Variants in TTC39C observed in about 807,000 individuals in gnomAD.
The protein encoded by TTC39C is tetratricopeptide repeat domain 39C.
TTC39C carries 33 observed loss-of-function variants against 76.3 expected under a neutral mutation model. The ratio of observed to expected loss-of-function variants is 0.43; its 90% CI spans 0.33 to 0.58. TTC39C has a LOEUF of 0.58. Ranked by LOEUF, TTC39C falls within the 20% of genes least tolerant of loss-of-function variation. The probability of loss-of-function intolerance (pLI) is 0.04; values close to 1 mark genes in which losing one functional copy is unlikely to be tolerated. For missense variants in TTC39C, 595 were observed against 701.4 expected (o/e 0.85, Z 1.71); for synonymous variants, 254 against 260.6 (o/e 0.97, Z 0.24).
At chr18:24,069,743 T>G (rs989905398) in intron 4 of TTC39C, among the ~76,000 whole-genome samples, 2 of 152,202 alleles carry the variant, frequency 1.3e-5, no homozygotes, top group Admixed American at 6.5e-5. Context: ...TTAACAAACT[T>G]TAGTGAGGGA....
intron 1 of TTC39C, among the ~76,000 whole-genome samples, chr18:23,998,508 G>T (rs1233434180): frequency 2.0e-5 from 3 of 152,124 alleles, no homozygotes. Context: ...TACTTGGGAG[G>T]TTGAGATAGG....
intron 2 of TTC39C, among the ~76,000 whole-genome samples, chr18:24,065,285 G>A (rs1183426152): frequency 6.6e-6 from 1 of 152,230 alleles, no homozygotes; most frequent in African/African-American, 2.4e-5. Context: ...TGAGGAGTTA[G>A]AGACAGTAGG....
At chr18:24,076,053 T>C (rs2084303769) in intron 4 of TTC39C, among the ~76,000 whole-genome samples, 1 of 152,192 alleles carries the variant, frequency 6.6e-6, no homozygotes, top group Admixed American at 6.5e-5. Flanking sequence ...CTTGGGTCAC[T>C]ACAACCTCCA....
Position 24,062,320 on chromosome 18 carries a change from A to C in TTC39C, c.168-1820A>C, listed in dbSNP as rs374756708. On this transcript the variant is annotated intron_variant, in intron 1 of 13. Coordinates refer to ENST00000317571, the MANE Select transcript of TTC39C (RefSeq NM_001135993.2). Reference sequence around the variant, plus strand: ...GGGAAAAGGAGGGAAAAGCTGCAGTACTCAGCACTTGATTGAGATGTGTCT... The same window carrying C: ...GGGAAAAGGAGGGAAAAGCTGCAGTCCTCAGCACTTGATTGAGATGTGTCT... 2.2e-3 allele frequency among the ~76,000 whole-genome samples: 338 copies of C among 152,308 alleles called. 4 individuals carry two copies. Among genetic ancestry groups the C allele is most frequent in the African/African-American group, 7.6e-3 (316 of 41,552 alleles).
At chr18:24,019,929 G>A (rs1211682929) in intron 1 of TTC39C, 1 of 1,519,454 alleles carries the variant, frequency 6.6e-7, no homozygotes, top group African/African-American at 1.4e-5. Context: ...TGTAAGAGAT[G>A]TTGAGTCAGC....
chr18:24,107,578 C>T (rs2084760871), intron 6 of TTC39C, among the ~76,000 whole-genome samples: 1 of 152,160 alleles, frequency 6.6e-6, no homozygotes, highest in African/African-American at 2.4e-5. Context: ...CTCCTTTGCT[C>T]TGCACTTCTC....
intron 6 of TTC39C, among the ~76,000 whole-genome samples, chr18:24,106,899 G>T (rs994530527): frequency 1.2e-4 from 19 of 152,164 alleles, no homozygotes; most frequent in African/African-American, 4.1e-4. Context: ...TGGCCAGGCT[G>T]GTCTCAAACT....
chr18:24,104,732 G>T (rs962674806), intron 6 of TTC39C, among the ~76,000 whole-genome samples: 5 of 150,934 alleles, frequency 3.3e-5, no homozygotes, highest in African/African-American at 1.2e-4. Flanking sequence ...GACTGTGCAT[G>T]TGTGTGTGTG....
At chr18:24,032,305 A>G (rs2083680707) in intron 1 of TTC39C, among the ~76,000 whole-genome samples, 1 of 152,236 alleles carries the variant, frequency 6.6e-6, no homozygotes, top group African/African-American at 2.4e-5. Context: ...CATTGCTTTT[A>G]GGATTAGGAC....
intron 1 of TTC39C, among the ~76,000 whole-genome samples, chr18:24,058,748 G>A (rs748021099): frequency 2.0e-5 from 3 of 152,150 alleles, no homozygotes; most frequent in Non-Finnish European, 4.4e-5. Flanking sequence ...ACTGATAAAC[G>A]AAGTAGGAGA....
intron 1 of TTC39C, among the ~76,000 whole-genome samples, chr18:24,023,958 A>C (rs56186080): frequency 0.18 from 2,622 of 14,434 alleles, 134 homozygotes; most frequent in East Asian, 0.36. Flanking sequence ...ATGTATATAT[A>C]TATATATATA....
chr18:24,111,655 G>C (rs935202533), intron 6 of TTC39C, among the ~76,000 whole-genome samples: 3 of 151,680 alleles, frequency 2.0e-5, no homozygotes, highest in African/African-American at 7.3e-5. Context: ...GGGACTTTGG[G>C]AAGCCGAGGT....
At chr18:24,035,687 C>T (rs2083722387) in intron 1 of TTC39C, among the ~76,000 whole-genome samples, 1 of 143,872 alleles carries the variant, frequency 7.0e-6, no homozygotes, top group African/African-American at 2.5e-5. Context: ...AACTCCTTAT[C>T]TAACGTATAA....
intron 6 of TTC39C, among the ~76,000 whole-genome samples, chr18:24,086,319 A>C (rs2084438771): frequency 6.6e-6 from 1 of 152,344 alleles, no homozygotes; most frequent in Non-Finnish European, 1.5e-5. Flanking sequence ...GCTAACATGC[A>C]GGGTGACTGT....
At chr18:24,091,116 A>G (rs901781904) in intron 6 of TTC39C, among the ~76,000 whole-genome samples, 3 of 152,112 alleles carry the variant, frequency 2.0e-5, no homozygotes, top group Non-Finnish European at 4.4e-5. Context: ...CTTATGATCA[A>G]TTTGCTTTGA....
At chr18:24,006,297 C>T (rs947965895) in intron 1 of TTC39C, 1 of 152,142 alleles carries the variant, frequency 6.6e-6, no homozygotes, top group Non-Finnish European at 1.5e-5. Flanking sequence ...AGCCACCATG[C>T]TCAGCCCAAA....
At chr18:24,023,013 G>C (rs1409409857) in intron 1 of TTC39C, among the ~76,000 whole-genome samples, 1 of 152,200 alleles carries the variant, frequency 6.6e-6, no homozygotes, top group Non-Finnish European at 1.5e-5. Flanking sequence ...GCTAGAGTTG[G>C]GTAATACCTG....
chr18:24,012,738 G>A (rs922438839), upstream of TTC39C, among the ~76,000 whole-genome samples: 3 of 152,002 alleles, frequency 2.0e-5, no homozygotes, highest in African/African-American at 7.3e-5. Context: ...ATGTTGTCAG[G>A]GTGACCTCGG....
chr18:24,022,485 G>C, intron 1 of TTC39C: 1 of 880,830 alleles, frequency 1.1e-6, no homozygotes, highest in Non-Finnish European at 1.4e-6. Flanking sequence ...GGTTGAAACT[G>C]GGCTGCATGG....
Sources: gnomAD v4.1 joint callset for allele counts (sites outside exome capture counted in the v4.1 genomes callset) on GRCh38, gnomAD v4.1.1 for gene constraint, MANE v1.5 for transcripts, NCBI Gene and HGNC (gene_info 2026-07-23, HGNC 2026-07-21) for gene names.